Variants in TBCB observed in about 807,000 individuals in gnomAD.
The protein encoded by TBCB is tubulin folding cofactor B, also known as tubulin-folding cofactor B.
TBCB carries 18 observed loss-of-function variants against 29.2 expected under a neutral mutation model. The observed-to-expected ratio is 0.62, with a 90% CI of 0.43 to 0.91. TBCB has a LOEUF of 0.91. Ranked by LOEUF, TBCB falls within the 40% of genes least tolerant of loss-of-function variation. The pLI, the probability that TBCB is intolerant of heterozygous loss-of-function variation, is 0.00. For missense variants in TBCB, 336 were observed against 337.6 expected, an observed-to-expected ratio of 1.00 and a Z score of 0.04; for synonymous variants, 172 against 137.8, an observed-to-expected ratio of 1.25 and a Z score of -1.74.
At chr19:36,117,341 G>A (rs1053301023) in intron 2 of TBCB, among the ~76,000 whole-genome samples, 3 of 152,058 alleles carry the variant, frequency 2.0e-5, no homozygotes, top group Admixed American at 6.6e-5. Context: ...TCCGTGAATC[G>A]TTTTTTGTTT....
intron 1 of TBCB, 136 bp downstream of exon 1, chr19:36,115,810 G>C: frequency 8.2e-6 from 9 of 1,102,882 alleles, no homozygotes; most frequent in Non-Finnish European, 1.2e-5. Context: ...CTGGGGACCC[G>C]GTCGCGGCGG....
Position 36,120,454 on chromosome 19 carries a change from G to A in TBCB, c.259-256G>A. On this transcript the variant is annotated intron_variant, in intron 2 of 5. Coordinates refer to ENST00000221855, the MANE Select transcript of TBCB (RefSeq NM_001281.3). ...CTGTGACTTTGGGGCCCTTGGCGATGTTGATGCCAGCAAGCGGGGAACTTC... is the reference window on the plus strand; with the variant it reads ...CTGTGACTTTGGGGCCCTTGGCGATATTGATGCCAGCAAGCGGGGAACTTC... 9 of 502,282 alleles carry A rather than the reference G, an allele frequency of 1.8e-5. 1 individual carries two copies. Among genetic ancestry groups the A allele is most frequent in the South Asian group, 1.7e-4 (8 of 46,020 alleles). The allele number at this position is 502,282 out of a possible 1,614,324, so 31.1% of individuals were successfully genotyped here.
chr19:36,115,264 G>A (rs1349744218), upstream of TBCB: 3 of 531,330 alleles, frequency 5.6e-6, no homozygotes, highest in Non-Finnish European at 9.9e-6. Flanking sequence ...CCTACCTCCG[G>A]GCTTCAGTCT....
chr19:36,121,562 G>A lies in TBCB; in HGVS notation c.391G>A (p.Gly131Ser). The change falls in exon 4 of 6, where the codon GGC (glycine) becomes AGC (serine). Residue 131 changes from glycine (G) to serine (S), a missense_variant. Gly to Ser is a moderately conservative substitution (Grantham distance 56). Coordinates refer to ENST00000221855, the MANE Select transcript of TBCB (RefSeq NM_001281.3). ...CTCTTTCCTGAAGCGCAGCAAGCTC[G>A]GCCGGTACAACGAGGAGGAGCGGGC... ...VRSFLKRSKL[G>S]RYNEEERAQQ... 6 of 1,560,662 alleles carry A rather than the reference G, an allele frequency of 3.8e-6. No individual in the cohort carries two copies. The highest frequency in any genetic ancestry group is 4.3e-6 in the Non-Finnish European group (5 of 1,154,230).
Position 36,120,748 on chromosome 19 carries a change from G to T in TBCB, c.297G>T (p.Glu99Asp). The part of the protein sequence containing the change: ...DHSGARLGEY[E>D]DVSRVEKYTI... Reference sequence around the variant, plus strand: ...GTGGCGCCCGCCTTGGTGAGTATGAGGACGTGTCCCGGGTGGAGAAGTACA... The same window carrying T: ...GTGGCGCCCGCCTTGGTGAGTATGATGACGTGTCCCGGGTGGAGAAGTACA... Residue 99 changes from glutamate to aspartate, a missense_variant, in exon 3 of 6, where the codon GAG becomes GAT. By Grantham distance (45) the Glu-to-Asp change is conservative (BLOSUM62 2). Transcript: ENST00000221855. The T allele has an allele frequency of 6.2e-7, 1 of 1,614,092 alleles. No individual in the cohort carries two copies. Among genetic ancestry groups the T allele is most frequent in the Non-Finnish European group, 8.5e-7 (1 of 1,180,006 alleles).
At chr19:36,117,184 C>T (rs1020034751) in intron 2 of TBCB, among the ~76,000 whole-genome samples, 1 of 152,146 alleles carries the variant, frequency 6.6e-6, no homozygotes, top group Non-Finnish European at 1.5e-5. Flanking sequence ...AAGTAATTCT[C>T]CTCTGACACA....
In TBCB at chr19:36,125,753, G is replaced by C; in HGVS notation, c.706G>C (p.Glu236Gln). 6.4e-7 allele frequency: 1 copy of C among 1,561,280 alleles called. No individual in the cohort carries two copies. Among genetic ancestry groups the C allele is most frequent in the Non-Finnish European group, 8.7e-7 (1 of 1,153,728 alleles). The change falls in exon 6 of 6, where the codon GAG (glutamate) becomes CAG (glutamine). Residue 236 changes from glutamate (E) to glutamine (Q), a missense_variant. By Grantham distance (29) the Glu-to-Gln change is conservative (BLOSUM62 2). Transcript: ENST00000221855. ...PAVVTVGDFPEEDYGLDEI is the reference protein window; with the variant it reads ...PAVVTVGDFPQEDYGLDEI ...AGTCGTGACGGTGGGGGACTTCCCG[G>C]AGGAGGACTACGGGTTGGACGAGAT...
intron 4 of TBCB, among the ~76,000 whole-genome samples, chr19:36,122,755 A>C (rs1362370388): frequency 3.4e-5 from 4 of 118,134 alleles, no homozygotes; most frequent in African/African-American, 1.6e-4. Context: ...CCCTGTCTCC[A>C]AAAAAAAAAA....
Position 36,116,181 on chromosome 19 carries a change from C to G in TBCB, c.255C>G (p.Ile85Met). Residue 85 changes from isoleucine to methionine, a missense_variant, in exon 2 of 6, where the codon ATC becomes ATG. Coordinates refer to ENST00000221855, the MANE Select transcript of TBCB (RefSeq NM_001281.3). The part of the protein sequence containing the change: ...GSYPVDDGCR[I>M]HVIDHSGARL... ...ACCCTGTAGATGACGGCTGCCGCAT[C>G]CACGTGAGGACTCTCTATCTGGGAC... The G allele has an allele frequency of 1.2e-6, 2 of 1,613,958 alleles. No homozygotes were observed. The highest frequency in any genetic ancestry group is 1.7e-6 in the Non-Finnish European group (2 of 1,179,886).
rs750422254 is a variant in TBCB, at chr19:36,116,232, G to A, written c.258+48G>A. On this transcript the variant is annotated intron_variant, in intron 2 of 5. Coordinates refer to ENST00000221855, the MANE Select transcript of TBCB (RefSeq NM_001281.3). ...ACTCCCCCACCCCACCTTTCATTTG[G>A]TTATTCAACAGACACTTGCTGGGCT... 1.0e-5 allele frequency: 16 copies of A among 1,601,640 alleles called. No individual in the cohort carries two copies. The Admixed American group carries it at 1.4e-4, about 14-fold the overall frequency.
intron 2 of TBCB, among the ~76,000 whole-genome samples, chr19:36,119,855 C>T (rs1974014285): frequency 6.6e-6 from 1 of 151,082 alleles, no homozygotes; most frequent in Admixed American, 6.6e-5. Context: ...GAGATCACAC[C>T]ACCACACTCC....
At chr19:36,123,254 C>CTTT (rs201890657) in intron 4 of TBCB, among the ~76,000 whole-genome samples, 42 of 131,356 alleles carry the variant, frequency 3.2e-4, no homozygotes, top group Non-Finnish European at 3.8e-4. Flanking sequence ...GAACCTTCTT[C>CTTT]TTTTTTTTTT....
rs752752701 is a variant in TBCB, at chr19:36,125,518, T to C, written c.615T>C (p.Asp205=). ...ATGATGAGCCACTGGGGAAAAATGA[T>C]GGCAGGTAACAAGAATTCCCACTCA... ...VRYDEPLGKN[D]GSVNGKRYFE... is the part of the protein sequence containing the mutation. The change falls in exon 5 of 6, where the codon GAT becomes GAC. Residue 205 remains aspartate, a synonymous_variant. Coordinates refer to ENST00000221855, the MANE Select transcript of TBCB (RefSeq NM_001281.3). The C allele has an allele frequency of 1.9e-6, 3 of 1,614,230 alleles. No homozygotes were observed. Among genetic ancestry groups the C allele is most frequent in the Non-Finnish European group, 2.5e-6 (3 of 1,180,042 alleles).
Position 36,116,110 on chromosome 19 carries a change from A to C in TBCB, c.184A>C (p.Lys62Gln). 1 of 1,614,162 alleles carries C rather than the reference A, an allele frequency of 6.2e-7. No homozygotes were observed. The highest frequency in any genetic ancestry group is 2.2e-5 in the East Asian group (1 of 44,870). ...ACTGGAGCTGTATGGAGTTGACGAC[A>C]AGTTCTACAGCAAGCTGGATCAAGA... ...MELELYGVDDKFYSKLDQEDA... is the reference protein window; with the variant it reads ...MELELYGVDDQFYSKLDQEDA... The change falls in exon 2 of 6, where the codon AAG becomes CAG. Residue 62 changes from lysine (K) to glutamine (Q), a missense_variant. Physicochemically the swap from Lys to Gln is moderately conservative, Grantham distance 53. Coordinates refer to ENST00000221855, the MANE Select transcript of TBCB (RefSeq NM_001281.3).
chr19:36,122,996 C>T (rs1262149407), intron 4 of TBCB, among the ~76,000 whole-genome samples: 1 of 152,108 alleles, frequency 6.6e-6, no homozygotes. Context: ...CACTAATTTA[C>T]GTCTGTCTCT....
rs1974032938 is a variant in TBCB at position 36,120,757 on chromosome 19, C to G, written c.306C>G (p.Ser102=). 6.2e-7 allele frequency: 1 copy of G among 1,613,746 alleles called. No individual in the cohort carries two copies. Among genetic ancestry groups the G allele is most frequent in the Admixed American group, 1.7e-5 (1 of 59,954 alleles). ...GARLGEYEDV[S]RVEKYTISQE... is the part of the protein sequence containing the mutation. The stretch of plus-strand genomic sequence containing the variant: ...GCCTTGGTGAGTATGAGGACGTGTC[C>G]CGGGTGGAGAAGTACACGATCTCAC... Residue 102 remains serine, a synonymous_variant, in exon 3 of 6, where the codon TCC becomes TCG. Coordinates refer to ENST00000221855, the MANE Select transcript of TBCB (RefSeq NM_001281.3).
chr19:36,116,393 A>G, intron 2 of TBCB: 1 of 556,176 alleles, frequency 1.8e-6, no homozygotes, highest in Non-Finnish European at 3.0e-6. Context: ...AGGGGACTGG[A>G]GCCACCAAGA....
At chr19:36,119,296 C>T (rs1974005698) in intron 2 of TBCB, among the ~76,000 whole-genome samples, 4 of 152,166 alleles carry the variant, frequency 2.6e-5, no homozygotes, top group Admixed American at 2.6e-4. Context: ...AGGTAAAGGC[C>T]ATTCCTATTT....
intron 2 of TBCB, among the ~76,000 whole-genome samples, chr19:36,117,234 C>T (rs8106396): frequency 6.9e-4 from 105 of 152,306 alleles, no homozygotes; most frequent in African/African-American, 2.3e-3. Flanking sequence ...CTCTCTGTCT[C>T]CCTGGATTCG....
Sources: gnomAD v4.1 joint callset for allele counts (sites outside exome capture counted in the v4.1 genomes callset) on GRCh38, gnomAD v4.1.1 for gene constraint, MANE v1.5 for transcripts, NCBI Gene and HGNC (gene_info 2026-07-23, HGNC 2026-07-21) for gene names.